Variants in ANO9 observed in about 807,000 individuals in gnomAD.
ANO9 encodes anoctamin-9.
A neutral mutation model predicts 100.5 loss-of-function variants in ANO9; 80 were observed. The ratio of observed to expected loss-of-function variants is 0.80; its 90% CI spans 0.66 to 0.96. The LOEUF (loss-of-function observed/expected upper bound fraction) is 0.96, where lower values mean the gene tolerates loss of function less well. Ranked by LOEUF, ANO9 falls within the 40% of genes least tolerant of loss-of-function variation. The probability of loss-of-function intolerance (pLI) is 0.00; values close to 1 mark genes in which losing one functional copy is unlikely to be tolerated. For missense variants in ANO9, 1,064 were observed against 1,072.7 expected, an observed-to-expected ratio of 0.99 and a Z score of 0.11; for synonymous variants, 473 against 435.6, an observed-to-expected ratio of 1.09 and a Z score of -1.07.
In ANO9 at chr11:418,402, G is replaced by T. The variant is rs1192622518; in HGVS notation, c.2318C>A (p.Ser773Tyr). The part of the protein sequence containing the change: ...PPMPAHPTPA[S>Y]IFSARSTDV Reference sequence around the variant, plus strand: ...GTCTGTGCTCCTGGCACTGAAGATGGATGCTGGGGTGGGATGGGCAGGCAT... The same window carrying T: ...GTCTGTGCTCCTGGCACTGAAGATGTATGCTGGGGTGGGATGGGCAGGCAT... Residue 773 changes from serine (S) to tyrosine (Y), a missense_variant, in exon 23 of 23, where the codon TCC (serine) becomes TAC (tyrosine). Ser to Tyr is a moderately radical substitution (Grantham distance 144). Coordinates refer to ENST00000332826, the MANE Select transcript of ANO9 (RefSeq NM_001012302.3). 4 of 1,611,972 alleles carry T rather than the reference G, an allele frequency of 2.5e-6. No individual in the cohort carries two copies. Among genetic ancestry groups the T allele is most frequent in the African/African-American group, 1.3e-5 (1 of 74,880 alleles).
At chr11:420,304 G>T in intron 19 of ANO9, 159 bp downstream of exon 19, 1 of 1,452,068 alleles carries the variant, frequency 6.9e-7, no homozygotes, top group Admixed American at 2.5e-5. Context: ...TCCCACCCAG[G>T]CTCAACCCGC....
At position 432,067 on chromosome 11, in the gene ANO9, A is replaced by G. The variant is rs1463040282; in HGVS notation, c.351-13T>C. 2 of 1,612,532 alleles carry G rather than the reference A, an allele frequency of 1.2e-6. No individual in the cohort carries two copies. Among genetic ancestry groups the G allele is most frequent in the African/African-American group, 1.3e-5 (1 of 74,840 alleles). On this transcript the variant is annotated splice_polypyrimidine_tract_variant and intron_variant, in intron 4 of 22. Coordinates refer to ENST00000332826, the MANE Select transcript of ANO9 (RefSeq NM_001012302.3). This position sits in a 1 kb window ranked among gnomAD's most constrained non-coding sequence, Gnocchi z 4.8. Reference sequence around the variant, plus strand: ...TCGGATTCTGAGACTCAAGAGCCAGAGCAGGGTGGCCCCGTGTGACCACAG... The same window carrying G: ...TCGGATTCTGAGACTCAAGAGCCAGGGCAGGGTGGCCCCGTGTGACCACAG...
chr11:435,771 G>C lies in ANO9; in HGVS notation c.7-1673C>G, dbSNP rs937650644. 6.9e-5 allele frequency among the ~76,000 whole-genome samples: 10 copies of C among 145,202 alleles called. No homozygotes were observed. In the East Asian group the frequency reaches 8.3e-4, roughly 12 times the overall value. On this transcript the variant is annotated intron_variant, in intron 1 of 22. Coordinates refer to ENST00000332826, the MANE Select transcript of ANO9 (RefSeq NM_001012302.3). ...CTAGTATAGTCTAGTCTAGTATGGTGTAGTCTAGTCTAGTCTAGTATAGCA... is the reference window on the plus strand; with the variant it reads ...CTAGTATAGTCTAGTCTAGTATGGTCTAGTCTAGTCTAGTCTAGTATAGCA...
chr11:423,043 T>C (rs1848286900), intron 15 of ANO9, among the ~76,000 whole-genome samples: 2 of 152,158 alleles, frequency 1.3e-5, no homozygotes, highest in Non-Finnish European at 2.9e-5. Flanking sequence ...CTGGCCAGGC[T>C]GGTCTCGAAC....
At position 421,157 on chromosome 11, in the gene ANO9, A is replaced by T. The variant is rs757271878; in HGVS notation, c.1376T>A (p.Leu459Ter). Residue 459 changes from leucine to a stop codon, truncating the protein, a stop_gained, in exon 16 of 23, where the codon TTG becomes TAG. Coordinates refer to ENST00000332826, the MANE Select transcript of ANO9 (RefSeq NM_001012302.3). LOFTEE classifies it high-confidence loss of function. The surrounding 1 kb of genome is among the most constrained non-coding windows in gnomAD (Gnocchi z 6.8). ...GTGACTGACCTCTTCCAGCTTCCAC[A>T]AGCCCGCCAGGCGCGTGGACTTCCC... ...HPGKSTRLAG[L>*]WKLEECHASG... 1 of 1,567,450 alleles carries T rather than the reference A, an allele frequency of 6.4e-7. No individual in the cohort carries two copies. The highest frequency in any genetic ancestry group is 8.7e-7 in the Non-Finnish European group (1 of 1,151,944).
rs201371235 is a variant in ANO9, at chr11:420,938, C to G, written c.1490+7G>C. ...GCTCCCGGGGCTGGGCGGGGGTCGG[C>G]ACTCACGGGACCAGGTACTCGACGC... On this transcript the variant is annotated splice_region_variant and intron_variant, in intron 17 of 22. Transcript: ENST00000332826. The G allele has an allele frequency of 6.2e-7, 1 of 1,602,376 alleles. No individual in the cohort carries two copies. Among genetic ancestry groups the G allele is most frequent in the African/African-American group, 1.3e-5 (1 of 74,694 alleles).
intron 15 of ANO9, among the ~76,000 whole-genome samples, chr11:424,545 G>C (rs904345731): frequency 2.0e-5 from 3 of 152,198 alleles, no homozygotes; most frequent in African/African-American, 7.2e-5. Flanking sequence ...AGTGGGCAAT[G>C]GATGTAGCTA....
Position 432,222 on chromosome 11 carries a change from C to T in ANO9, c.351-168G>A. ...AATCCACAACTCACCCGGGAGCCCACCCCGCACCCTCCTTAAAGTGCTCCC... is the reference window on the plus strand; with the variant it reads ...AATCCACAACTCACCCGGGAGCCCATCCCGCACCCTCCTTAAAGTGCTCCC... On this transcript the variant is annotated intron_variant, in intron 4 of 22. Transcript: ENST00000332826. The surrounding 1 kb of genome is among the most constrained non-coding windows in gnomAD (Gnocchi z 4.8). The T allele has an allele frequency of 1.4e-6, 1 of 689,882 alleles. No individual in the cohort carries two copies. Among genetic ancestry groups the T allele is most frequent in the Non-Finnish European group, 2.4e-6 (1 of 413,564 alleles). The allele number at this position is 689,882 out of a possible 1,614,324, so 42.7% of individuals were successfully genotyped here. A position where few individuals can be genotyped will look rare whatever the true frequency, so the allele number is the denominator to read the frequency against.
chr11:433,005 C>T lies in ANO9; in HGVS notation c.350+309G>A, dbSNP rs776550021. ...GACACTGGCCTTGATCCAGGAGGGG[C>T]CCCTGGGCCTCTGCAAATCCTGCCC... On this transcript the variant is annotated intron_variant, in intron 4 of 22. Coordinates refer to ENST00000332826, the MANE Select transcript of ANO9 (RefSeq NM_001012302.3). 4.5e-5 allele frequency: 17 copies of T among 375,424 alleles called. No individual in the cohort carries two copies. The East Asian group carries it at 8.2e-4, about 18-fold the overall frequency. The allele number at this position is 375,424 out of a possible 1,614,324, so 23.3% of individuals were successfully genotyped here. A position where few individuals can be genotyped will look rare whatever the true frequency, so the allele number is the denominator to read the frequency against.
At position 429,567 on chromosome 11, in the gene ANO9, C is replaced by T; in HGVS notation, c.915+3G>A. 3 of 1,612,396 alleles carry T rather than the reference C, an allele frequency of 1.9e-6. No individual in the cohort carries two copies. The highest frequency in any genetic ancestry group is 2.5e-6 in the Non-Finnish European group (3 of 1,179,818). On this transcript the variant is annotated splice_donor_region_variant and intron_variant, in intron 11 of 22. Transcript: ENST00000332826. ...CTCAGCTGCGCTGCCAGCTCCACCTCACCTGTTCCTCGTCCCACACGTACA... is the reference window on the plus strand; with the variant it reads ...CTCAGCTGCGCTGCCAGCTCCACCTTACCTGTTCCTCGTCCCACACGTACA...
chr11:429,608 C>A lies in ANO9; in HGVS notation c.877G>T (p.Val293Phe), dbSNP rs1564919049. 1.2e-6 allele frequency: 2 copies of A among 1,612,602 alleles called. No homozygotes were observed. The highest frequency in any genetic ancestry group is 2.2e-5 in the East Asian group (1 of 44,876). The change falls in exon 11 of 23, where the codon GTC becomes TTC. Residue 293 changes from valine (V) to phenylalanine (F), a missense_variant. Val to Phe is a conservative substitution (Grantham distance 50). Transcript: ENST00000332826. ...EIWKRQRARV[V>F]LHWDLYVWDE... ...CACACGTACAGGTCCCAGTGCAGGA[C>A]CACGCGGGCGCGCTGCCGCTTCCAG... is the stretch of plus-strand genomic sequence containing the variant.
At chr11:435,065 ACAG>A (rs1337174500) in intron 1 of ANO9, among the ~76,000 whole-genome samples, 1 of 152,138 alleles carries the variant, frequency 6.6e-6, no homozygotes, top group African/African-American at 2.4e-5. Flanking sequence ...TTCCAGATAA[ACAG>A]CAGAAGGATA....
chr11:433,136 G>T (rs530767889), intron 4 of ANO9, 178 bp downstream of exon 4: 32 of 779,634 alleles, frequency 4.1e-5, no homozygotes, highest in Admixed American at 3.3e-4. Flanking sequence ...TTAATGGGAT[G>T]GGGAAGCTGA....
chr11:439,064 C>T (rs1043305344), intron 1 of ANO9, among the ~76,000 whole-genome samples: 15 of 152,186 alleles, frequency 9.9e-5, no homozygotes, highest in Non-Finnish European at 2.2e-4. Context: ...TCAGTTTCCT[C>T]GTCTGTACAA....
intron 15 of ANO9, among the ~76,000 whole-genome samples, chr11:426,117 C>A (rs542304229): frequency 6.6e-6 from 1 of 152,336 alleles, no homozygotes; most frequent in African/African-American, 2.4e-5. Context: ...GTTTCACACA[C>A]TGTGGGTAGC....
At chr11:439,665 C>T (rs2133723597) in intron 1 of ANO9, among the ~76,000 whole-genome samples, 1 of 152,324 alleles carries the variant, frequency 6.6e-6, no homozygotes, top group Middle Eastern at 3.4e-3. Context: ...GAGAACTTTA[C>T]AGTTTCGTCA....
chr11:428,437 G>A (rs1222670864), intron 13 of ANO9, 38 bp downstream of exon 13: 6 of 1,612,434 alleles, frequency 3.7e-6, no homozygotes, highest in Non-Finnish European at 8.5e-7. Flanking sequence ...GGCTCCGGTG[G>A]ACCCCCCAGC....
In ANO9 at chr11:428,686, C is replaced by T. The variant is rs752195802; in HGVS notation, c.1020+36G>A. ...CGGGGGCCGGGGAGGGCATGCAGCCCGGGTCTCCAGCCCCACCGCGGTGTC... is the reference window on the plus strand; with the variant it reads ...CGGGGGCCGGGGAGGGCATGCAGCCTGGGTCTCCAGCCCCACCGCGGTGTC... On this transcript the variant is annotated intron_variant, in intron 12 of 22. Transcript: ENST00000332826. 3.9e-4 allele frequency: 626 copies of T among 1,611,870 alleles called. 1 individual carries two copies. The highest frequency in any genetic ancestry group is 5.1e-4 in the Non-Finnish European group (604 of 1,179,454).
chr11:434,583 G>A (rs1414573869), intron 1 of ANO9, among the ~76,000 whole-genome samples: 2 of 152,158 alleles, frequency 1.3e-5, no homozygotes, highest in Non-Finnish European at 2.9e-5. Flanking sequence ...GGCCTAGCCC[G>A]TCCACCCCTG....
Sources: allele counts gnomAD v4.1 joint callset (sites outside exome capture counted in the v4.1 genomes callset), GRCh38; gene constraint gnomAD v4.1.1; non-coding constraint Gnocchi (gnomAD v3.1); transcripts MANE v1.5; gene names NCBI Gene and HGNC (gene_info 2026-07-23, HGNC 2026-07-21).